The following FYB2 variants were observed in gnomAD, a reference collection of about 807,000 sequenced individuals.
FYB2 encodes the protein FYN-binding protein 2.
Under a neutral mutation model 94.1 loss-of-function variants are expected in FYB2, and 103 were observed. The ratio of observed to expected loss-of-function variants is 1.09; its 90% CI spans 0.93 to 1.29. FYB2 has a LOEUF of 1.29. FYB2 is among the 50% of genes most tolerant of loss of function. The pLI, the probability that FYB2 is intolerant of heterozygous loss-of-function variation, is 0.00. For synonymous variants in FYB2, 293 were observed against 287.9 expected (o/e 1.02, Z -0.18); for missense variants, 896 against 841.5 (o/e 1.06, Z -0.80).
upstream of FYB2, among the ~76,000 whole-genome samples, chr1:56,820,329 T>C (rs1199638270): frequency 6.6e-6 from 1 of 152,036 alleles, no homozygotes; most frequent in Non-Finnish European, 1.5e-5. Context: ...GGAACCCAGA[T>C]CTGGCTGACT....
At chr1:56,720,488 T>A in intron 17 of FYB2, 159 bp from the exon 18 acceptor site, 2 of 548,214 alleles carry the variant, frequency 3.6e-6, no homozygotes, top group Non-Finnish European at 5.7e-6. Flanking sequence ...AAGTATGCAG[T>A]TAAAGGAAAG....
chr1:56,765,952 G>C (rs1038641681), intron 5 of FYB2, among the ~76,000 whole-genome samples: 1 of 151,982 alleles, frequency 6.6e-6, no homozygotes, highest in Non-Finnish European at 1.5e-5. Context: ...CTACTTGCAG[G>C]GGGGTGGATT....
chr1:56,743,453 G>A (rs1266824401), intron 11 of FYB2, among the ~76,000 whole-genome samples: 1 of 152,024 alleles, frequency 6.6e-6, no homozygotes, highest in Non-Finnish European at 1.5e-5. Context: ...AATAATGATT[G>A]AGCTGAGATT....
chr1:56,776,459 A>G (rs1264546186), intron 4 of FYB2, among the ~76,000 whole-genome samples: 1 of 152,186 alleles, frequency 6.6e-6, no homozygotes, highest in Admixed American at 6.6e-5. Flanking sequence ...TGTTTTAGGA[A>G]GTCACACAAC....
intron 4 of FYB2, among the ~76,000 whole-genome samples, chr1:56,784,111 T>C (rs1030497927): frequency 6.6e-6 from 1 of 152,178 alleles, no homozygotes; most frequent in Non-Finnish European, 1.5e-5. Context: ...TTAAAATACA[T>C]ATCCAAAGAA....
At chr1:56,782,899 C>T (rs1339568355) in intron 4 of FYB2, among the ~76,000 whole-genome samples, 1 of 152,072 alleles carries the variant, frequency 6.6e-6, no homozygotes, top group African/African-American at 2.4e-5. Context: ...ATATTTATAG[C>T]TAATGAATAA....
chr1:56,773,005 G>A (rs1019569631), intron 4 of FYB2, among the ~76,000 whole-genome samples: 2 of 152,000 alleles, frequency 1.3e-5, no homozygotes, highest in Non-Finnish European at 2.9e-5. Flanking sequence ...ATTATAAAAC[G>A]TTAATGTTTC....
intron 4 of FYB2, among the ~76,000 whole-genome samples, chr1:56,769,942 T>G (rs777206521): frequency 4.6e-5 from 7 of 151,906 alleles, no homozygotes; most frequent in Non-Finnish European, 8.8e-5. Context: ...CCAAGGTAAA[T>G]GGATGGAAAA....
At chr1:56,747,841 G>A (rs1019951441) in intron 9 of FYB2, among the ~76,000 whole-genome samples, 3 of 152,048 alleles carry the variant, frequency 2.0e-5, no homozygotes, top group Admixed American at 6.6e-5. Context: ...TTCCACAATC[G>A]TTGAACTAAT....
chr1:56,803,915 C>T (rs879522210), intron 1 of FYB2, among the ~76,000 whole-genome samples: 7 of 152,212 alleles, frequency 4.6e-5, no homozygotes, highest in Admixed American at 4.6e-4. Context: ...CAAAGCTTAA[C>T]CTCTTTCTCC....
intron 1 of FYB2, among the ~76,000 whole-genome samples, chr1:56,798,251 T>A (rs1646444669): frequency 6.6e-6 from 1 of 152,224 alleles, no homozygotes; most frequent in African/African-American, 2.4e-5. Context: ...TGCTATCATG[T>A]CAAAAGACAG....
upstream of FYB2, among the ~76,000 whole-genome samples, chr1:56,820,369 TTTTG>T (rs1319305103): frequency 5.9e-5 from 9 of 152,256 alleles, no homozygotes; most frequent in South Asian, 2.1e-4. Context: ...CTGGGGTTAT[TTTTG>T]TTTGTTTGTT....
chr1:56,822,740 C>T (rs1306174201), upstream of FYB2, among the ~76,000 whole-genome samples: 1 of 40,224 alleles, frequency 2.5e-5, no homozygotes, highest in Non-Finnish European at 4.7e-5. Flanking sequence ...AACAGAATAC[C>T]CCGATGTAAA....
At chr1:56,766,678 C>A (rs762558265) in intron 5 of FYB2, among the ~76,000 whole-genome samples, 2 of 152,164 alleles carry the variant, frequency 1.3e-5, no homozygotes, top group Non-Finnish European at 2.9e-5. Context: ...ATATCGTGAT[C>A]CGCCCATCTC....
Position 56,737,134 on chromosome 1 carries a change from C to T in FYB2, c.1746G>A (p.Gln582=). Residue 582 remains glutamine (Q), a synonymous_variant, in exon 15 of 20, where the codon CAG becomes CAA. Coordinates refer to ENST00000343433, the MANE Select transcript of FYB2 (RefSeq NM_001004303.5). ...ILLPDLELKS[Q]EVIIYDDVDL... is the part of the protein sequence containing the mutation. ...CTACATCATCATAAATAATAACTTC[C>T]TGAGACTTAAGTTCTAGGGTCAAGA... 1.2e-6 allele frequency: 2 copies of T among 1,605,946 alleles called. No homozygotes were observed. The highest frequency in any genetic ancestry group is 2.2e-5 in the South Asian group (2 of 90,352).
chr1:56,755,380 G>A (rs1645302936), intron 7 of FYB2, among the ~76,000 whole-genome samples: 1 of 152,104 alleles, frequency 6.6e-6, no homozygotes, highest in African/African-American at 2.4e-5. Context: ...CTCTCAGGGA[G>A]TGGAATGAAG....
rs145507920 is a variant in FYB2 at position 56,815,164 on chromosome 1, C to G, written c.9+4118G>C. 5.8e-3 allele frequency among the ~76,000 whole-genome samples: 882 copies of G among 152,240 alleles called. 6 individuals are homozygous for G. The highest frequency in any genetic ancestry group is 8.6e-3 in the Non-Finnish European group (584 of 68,018). On this transcript the variant is annotated intron_variant, in intron 1 of 19. Coordinates refer to ENST00000343433, the MANE Select transcript of FYB2 (RefSeq NM_001004303.5). Reference sequence around the variant, plus strand: ...AGTAGCACCTTGCTGCCAACTATCCCCAACTATCACCCTGCCATATTACCC... The same window carrying G: ...AGTAGCACCTTGCTGCCAACTATCCGCAACTATCACCCTGCCATATTACCC...
At chr1:56,738,534 G>C (rs576547973) in intron 14 of FYB2, 91 bp downstream of exon 14, 1 of 1,264,088 alleles carries the variant, frequency 7.9e-7, no homozygotes, top group African/African-American at 1.5e-5. Flanking sequence ...TCAAATGTGG[G>C]AATGCAGGAA....
In FYB2 at chr1:56,768,068, G is replaced by A. The variant is rs965210015; in HGVS notation, c.954-130C>T. The A allele has an allele frequency of 2.5e-5, 16 of 634,258 alleles. No individual in the cohort carries two copies. The African/African-American group carries it at 2.6e-4, about 10-fold the overall frequency. The allele number at this position is 634,258 out of a possible 1,614,324, so 39.3% of individuals were successfully genotyped here. A position where few individuals can be genotyped will look rare whatever the true frequency, so the allele number is the denominator to read the frequency against. On this transcript the variant is annotated intron_variant, in intron 4 of 19. Transcript: ENST00000343433. ...TATGGTGACCTAAGCATATATGGGAGGCACACTACCCCTACTCCAAATGCA... is the reference window on the plus strand; with the variant it reads ...TATGGTGACCTAAGCATATATGGGAAGCACACTACCCCTACTCCAAATGCA...
Sources: gnomAD v4.1 joint callset for allele counts (sites outside exome capture counted in the v4.1 genomes callset) on GRCh38, gnomAD v4.1.1 for gene constraint, MANE v1.5 for transcripts, NCBI Gene and HGNC (gene_info 2026-07-23, HGNC 2026-07-21) for gene names.